FAM184B: variants seen among roughly 807,000 people sequenced by gnomAD.
FAM184B encodes family with sequence similarity 184 member B.
A neutral mutation model predicts 135.9 loss-of-function variants in FAM184B; 111 were observed. That is an observed-to-expected ratio of 0.82 (90% confidence interval 0.70 to 0.96). FAM184B has a LOEUF of 0.96. Among genes scored for constraint, FAM184B ranks in the 40% least tolerant of loss-of-function variants. FAM184B has a pLI of 0.00. For synonymous variants in FAM184B, 552 were observed against 524.8 expected, an observed-to-expected ratio of 1.05 and a Z score of -0.71; for missense variants, 1,375 against 1,323.9, an observed-to-expected ratio of 1.04 and a Z score of -0.60.
intron 1 of FAM184B, among the ~76,000 whole-genome samples, chr4:17,737,494 G>A (rs923677121): frequency 2.0e-5 from 3 of 151,990 alleles, no homozygotes; most frequent in African/African-American, 7.3e-5. Context: ...TTGCTCAGAT[G>A]TTAAAAAGAG....
chr4:17,659,971 T>G lies in FAM184B; in HGVS notation c.1811A>C (p.Lys604Thr), dbSNP rs1233804360. The change falls in exon 9 of 18, where the codon AAA becomes ACA. Residue 604 changes from lysine to threonine, a missense_variant. Physicochemically the swap from Lys to Thr is moderately conservative, Grantham distance 78 (BLOSUM62 -1). Coordinates refer to ENST00000265018, the MANE Select transcript of FAM184B (RefSeq NM_015688.2). ...GGGTTGTCCTACCTGGGCTTGCAATTTGGCCTTCTGGCTTTGCCAGTCCTC... is the reference window on the plus strand; with the variant it reads ...GGGTTGTCCTACCTGGGCTTGCAATGTGGCCTTCTGGCTTTGCCAGTCCTC... Reference protein sequence around the residue: ...LEEDWQSQKAKLQAQVSQMQQ... With the variant: ...LEEDWQSQKATLQAQVSQMQQ... 6 of 1,550,996 alleles carry G rather than the reference T, an allele frequency of 3.9e-6. No homozygotes were observed. In the East Asian group the frequency reaches 1.5e-4, roughly 38 times the overall value.
chr4:17,710,455 C>G (rs1477591140), intron 1 of FAM184B, among the ~76,000 whole-genome samples: 4 of 152,146 alleles, frequency 2.6e-5, no homozygotes. Flanking sequence ...ACAAGATTGT[C>G]TCAATAGACA....
At chr4:17,742,164 ATATATTTTT>A (rs1718061062) in intron 1 of FAM184B, among the ~76,000 whole-genome samples, 1 of 9,072 alleles carries the variant, frequency 1.1e-4, no homozygotes, top group East Asian at 0.011. Flanking sequence ...ATATATATAT[ATATATTTTT>A]TTTTTTTAAA....
chr4:17,710,100 C>T (rs931435850), intron 1 of FAM184B, among the ~76,000 whole-genome samples: 1 of 152,040 alleles, frequency 6.6e-6, no homozygotes, highest in Non-Finnish European at 1.5e-5. Flanking sequence ...CAGAGGCAGG[C>T]GGATCACCTG....
chr4:17,745,499 C>T (rs1451624323), intron 1 of FAM184B, among the ~76,000 whole-genome samples: 2 of 152,226 alleles, frequency 1.3e-5, no homozygotes, highest in Non-Finnish European at 2.9e-5. Flanking sequence ...TCGATCTTTG[C>T]TCAGGGATAC....
chr4:17,688,635 G>GCACTCTCCCCAGAAC, intron 6 of FAM184B, 104 bp from the exon 7 acceptor site: 1 of 726,054 alleles, frequency 1.4e-6, no homozygotes, highest in Non-Finnish European at 2.2e-6. Flanking sequence ...CTGTTCTGGG[G>GCACTCTCCCCAGAAC]AGAGTGCCCC....
intron 1 of FAM184B, among the ~76,000 whole-genome samples, chr4:17,722,199 G>A (rs1454522434): frequency 6.6e-6 from 1 of 152,182 alleles, no homozygotes; most frequent in Non-Finnish European, 1.5e-5. Flanking sequence ...GGGATCACAG[G>A]ACACCAAAAG....
intron 1 of FAM184B, among the ~76,000 whole-genome samples, chr4:17,756,658 C>T (rs1411017515): frequency 6.6e-6 from 1 of 152,178 alleles, no homozygotes; most frequent in Non-Finnish European, 1.5e-5. Context: ...GAGACAGTGG[C>T]TCACACCTGT....
chr4:17,670,679 T>C (rs1271416976), intron 7 of FAM184B, among the ~76,000 whole-genome samples: 3 of 152,254 alleles, frequency 2.0e-5, no homozygotes, highest in Non-Finnish European at 4.4e-5. Context: ...CATGGATGCA[T>C]ATGGCTCTAT....
At chr4:17,704,351 G>C (rs531482702) in intron 5 of FAM184B, among the ~76,000 whole-genome samples, 1 of 152,334 alleles carries the variant, frequency 6.6e-6, no homozygotes, top group Middle Eastern at 3.4e-3. Flanking sequence ...TGTTTGGAGG[G>C]AGAGTGGAAC....
Position 17,688,301 on chromosome 4 carries a change from T to C in FAM184B, c.1596+123A>G, listed in dbSNP as rs944600361. 1.4e-5 allele frequency: 9 copies of C among 664,436 alleles called. 1 individual carries two copies. Among genetic ancestry groups the C allele is most frequent in the African/African-American group, 9.6e-5 (5 of 52,066 alleles). 41.2% of individuals were successfully genotyped at this position (664,436 alleles called of 1,614,324 possible). A position where few individuals can be genotyped will look rare whatever the true frequency, so the allele number is the denominator to read the frequency against. On this transcript the variant is annotated intron_variant, in intron 7 of 17. Transcript: ENST00000265018. Reference sequence around the variant, plus strand: ...TGATTTTTTTTTTTTCCGGGCATTTTGGCAGTGTCGAGGAGAGATGTAAAA... The same window carrying C: ...TGATTTTTTTTTTTTCCGGGCATTTCGGCAGTGTCGAGGAGAGATGTAAAA...
At chr4:17,752,403 A>G (rs774994606) in intron 1 of FAM184B, among the ~76,000 whole-genome samples, 2 of 151,712 alleles carry the variant, frequency 1.3e-5, no homozygotes, top group Non-Finnish European at 2.9e-5. Flanking sequence ...AAAAGAATGA[A>G]TGGTTGGGTG....
chr4:17,643,420 CA>C (rs1030014076), intron 12 of FAM184B, among the ~76,000 whole-genome samples: 7 of 152,142 alleles, frequency 4.6e-5, no homozygotes, highest in African/African-American at 1.7e-4. Context: ...TCCTATGGGG[CA>C]AAGGTGAGGG....
intron 12 of FAM184B, among the ~76,000 whole-genome samples, chr4:17,645,261 G>A (rs77776528): frequency 0.054 from 8,255 of 152,130 alleles, 715 homozygotes; most frequent in African/African-American, 0.19. Flanking sequence ...AAGAGCCTGC[G>A]TCGCCAAGTC....
In FAM184B at chr4:17,751,388, T is replaced by A. The variant is rs79204231; in HGVS notation, c.141+29771A>T. On this transcript the variant is annotated intron_variant, in intron 1 of 17. Coordinates refer to ENST00000265018, the MANE Select transcript of FAM184B (RefSeq NM_015688.2). ...TAGATGCTGTCAATGTTTCCATGTG[T>A]TGCCTGGAAGTGCTGTGGGGAAAAA... 4.3e-3 allele frequency among the ~76,000 whole-genome samples: 650 copies of A among 151,434 alleles called. 3 individuals carry two copies. The highest frequency in any genetic ancestry group is 0.015 in the African/African-American group (625 of 41,252).
intron 14 of FAM184B, 79 bp from the exon 15 acceptor site, chr4:17,636,724 G>C: frequency 2.5e-6 from 3 of 1,193,172 alleles, no homozygotes; most frequent in Non-Finnish European, 1.2e-6. Context: ...CACACGATGG[G>C]AATGCCATCC....
Position 17,629,331 on chromosome 4 carries a change from C to G in FAM184B, c.*3201G>C, listed in dbSNP as rs1714857911. The G allele has an allele frequency of 6.6e-6, 1 of 152,124 alleles. No individual in the cohort carries two copies. The highest frequency in any genetic ancestry group is 2.4e-5 in the African/African-American group (1 of 41,390). The allele number at this position is 152,124 out of a possible 1,614,324, so 9.4% of individuals were successfully genotyped here. On this transcript the variant is annotated 3_prime_UTR_variant, in exon 18 of 18. Transcript: ENST00000265018. ...ATCTGACAGATACAGTAAGATGGTC[C>G]CTATCATAGTTCCATTTAATTTGCC...
chr4:17,656,254 C>T (rs1268249905), intron 10 of FAM184B, among the ~76,000 whole-genome samples: 1 of 152,174 alleles, frequency 6.6e-6, no homozygotes, highest in East Asian at 1.9e-4. Flanking sequence ...GTGAATACAC[C>T]TGGGAATCTC....
intron 1 of FAM184B, among the ~76,000 whole-genome samples, chr4:17,767,369 G>A (rs1009953301): frequency 6.6e-6 from 1 of 152,192 alleles, no homozygotes; most frequent in Non-Finnish European, 1.5e-5. Context: ...TCACCTCTCA[G>A]TAAGTCAATT....
Sources: allele counts gnomAD v4.1 joint callset (sites outside exome capture counted in the v4.1 genomes callset), GRCh38; gene constraint gnomAD v4.1.1; transcripts MANE v1.5; gene names NCBI Gene and HGNC (gene_info 2026-07-23, HGNC 2026-07-21).